The following TNKS variants were observed in gnomAD, a reference collection of about 807,000 sequenced individuals.
TNKS encodes the protein poly [ADP-ribose] polymerase tankyrase-1.
In TNKS, 72 loss-of-function variants were observed where a neutral mutation model predicts 135.8. The observed-to-expected ratio is 0.53, with a 90% CI of 0.44 to 0.64. The LOEUF (loss-of-function observed/expected upper bound fraction) is 0.64. Ranked by LOEUF, TNKS falls within the 30% of genes least tolerant of loss-of-function variation. The pLI, the probability that TNKS is intolerant of heterozygous loss-of-function variation, is 0.00. For missense variants in TNKS, 1,769 were observed against 1,674.0 expected (o/e 1.06, Z -0.99); for synonymous variants, 849 against 649.3 (o/e 1.31, Z -4.68).
intron 3 of TNKS, among the ~76,000 whole-genome samples, chr8:9,667,498 A>G (rs1358931479): frequency 6.6e-6 from 1 of 152,236 alleles, no homozygotes; most frequent in East Asian, 1.9e-4. Context: ...TCTGCATCTT[A>G]TAACCATATC....
At chr8:9,623,338 T>C (rs1799935137) in intron 3 of TNKS, among the ~76,000 whole-genome samples, 1 of 152,160 alleles carries the variant, frequency 6.6e-6, no homozygotes, top group South Asian at 2.1e-4. Context: ...AAGTTAGTTA[T>C]AGATACTAAC....
At chr8:9,665,467 A>G (rs988942560) in intron 3 of TNKS, among the ~76,000 whole-genome samples, 2 of 152,230 alleles carry the variant, frequency 1.3e-5, no homozygotes, top group Admixed American at 1.3e-4. Context: ...AGTTAGCAGG[A>G]AGAAATGCTG....
At chr8:9,571,520 C>T (rs548396176) in intron 1 of TNKS, among the ~76,000 whole-genome samples, 2 of 152,156 alleles carry the variant, frequency 1.3e-5, no homozygotes, top group South Asian at 4.1e-4. Flanking sequence ...TGCAGTGGTG[C>T]AATCTTGGCT....
intron 2 of TNKS, among the ~76,000 whole-genome samples, chr8:9,609,692 G>C (rs181996389): frequency 2.2e-4 from 33 of 152,080 alleles, no homozygotes; most frequent in Non-Finnish European, 1.5e-5. Context: ...TTGTGTTTTT[G>C]TTTTTGTTTT....
chr8:9,720,412 T>C lies in TNKS; in HGVS notation c.1788T>C (p.His596=). The C allele has an allele frequency of 6.2e-7, 1 of 1,613,880 alleles. No homozygotes were observed. Among genetic ancestry groups the C allele is most frequent in the Non-Finnish European group, 8.5e-7 (1 of 1,179,892 alleles). Residue 596 remains histidine (H), a synonymous_variant, in exon 12 of 27, where the codon CAT becomes CAC. Coordinates refer to ENST00000310430, the MANE Select transcript of TNKS (RefSeq NM_003747.3). ...ALDTLGQTAL[H]RAALAGHLQT... ...ACACCCTTGGTCAGACTGCTTTGCATAGAGCCGCCCTAGCAGGTCACCTGC... is the reference window on the plus strand; with the variant it reads ...ACACCCTTGGTCAGACTGCTTTGCACAGAGCCGCCCTAGCAGGTCACCTGC...
Position 9,556,558 on chromosome 8 carries a change from G to C in TNKS, c.619G>C (p.Val207Leu). 2 of 1,614,146 alleles carry C rather than the reference G, an allele frequency of 1.2e-6. No homozygotes were observed. The highest frequency in any genetic ancestry group is 1.7e-6 in the Non-Finnish European group (2 of 1,180,044). Residue 207 changes from valine (V) to leucine (L), a missense_variant, in exon 1 of 27, where the codon GTA becomes CTA. Around this residue, in one of 5 missense-constraint regions of TNKS, gnomAD observed 450 missense variants for 304.9 expected, o/e 1.48. Transcript: ENST00000310430. ...AAAGAGGCTGGTGGACGCGGCAAAC[G>C]TAAATGCAAAGGACATGGCCGGCCG... is the stretch of plus-strand genomic sequence containing the variant. ...RVKRLVDAAN[V>L]NAKDMAGRKS... is the part of the protein sequence containing the mutation.
At chr8:9,567,744 T>C (rs117941712) in intron 1 of TNKS, among the ~76,000 whole-genome samples, 66 of 152,338 alleles carry the variant, frequency 4.3e-4, no homozygotes, top group Non-Finnish European at 8.1e-4. Flanking sequence ...AAAGACTATA[T>C]AGAGTTGTTA....
At position 9,735,074 on chromosome 8, in the gene TNKS, G is replaced by A. The variant is rs763609358; in HGVS notation, c.2523G>A (p.Leu841=). 8 of 1,613,546 alleles carry A rather than the reference G, an allele frequency of 5.0e-6. No individual in the cohort carries two copies. In the South Asian group the frequency reaches 6.6e-5, roughly 13 times the overall value. ...RDTQGRNSTP[L]HLAAGYNNLE... ...CCCAGGGCAGAAATTCAACCCCTCT[G>A]CACCTGGCAGGTAAGCGCCCCCAGT... Residue 841 remains leucine (L), a synonymous_variant, in exon 16 of 27, where the codon CTG becomes CTA. Transcript: ENST00000310430.
chr8:9,701,874 A>G (rs1235220385), intron 5 of TNKS, among the ~76,000 whole-genome samples: 2 of 152,176 alleles, frequency 1.3e-5, no homozygotes, highest in Non-Finnish European at 2.9e-5. Context: ...GTGTTCAGAT[A>G]AGTACTGAGT....
intron 20 of TNKS, among the ~76,000 whole-genome samples, chr8:9,758,535 A>T (rs1054138718): frequency 6.6e-6 from 1 of 152,240 alleles, no homozygotes; most frequent in African/African-American, 2.4e-5. Flanking sequence ...TTAATGGCTT[A>T]AAATAACAAA....
In TNKS at chr8:9,568,828, T is replaced by C. The variant is rs187518369; in HGVS notation, c.674-11331T>C. 2.8e-3 allele frequency among the ~76,000 whole-genome samples: 430 copies of C among 152,310 alleles called. 2 individuals carry two copies. Among genetic ancestry groups the C allele is most frequent in the Middle Eastern group, 0.027 (8 of 294 alleles). ...TCTTTGATTCTGTACCCACAGTTGA[T>C]AAGTAATAGTTTCCTAAGGGTTAGT... On this transcript the variant is annotated intron_variant, in intron 1 of 26. Transcript: ENST00000310430.
At chr8:9,763,950 G>C (rs1807285026) in intron 22 of TNKS, among the ~76,000 whole-genome samples, 1 of 152,130 alleles carries the variant, frequency 6.6e-6, no homozygotes. Context: ...AACTTGCATA[G>C]GGAACTCAGG....
intron 1 of TNKS, among the ~76,000 whole-genome samples, chr8:9,571,045 AT>A (rs1365672308): frequency 1.3e-5 from 2 of 152,166 alleles, no homozygotes; most frequent in Non-Finnish European, 2.9e-5. Context: ...ATTCGGGGGC[AT>A]TTTGCTGCAT....
intron 3 of TNKS, among the ~76,000 whole-genome samples, chr8:9,630,198 C>T (rs1425480515): frequency 3.9e-5 from 6 of 152,096 alleles, no homozygotes; most frequent in Non-Finnish European, 8.8e-5. Context: ...CATAACAAGT[C>T]GATTTTTTTC....
At chr8:9,762,172 T>C (rs1323718796) in intron 21 of TNKS, among the ~76,000 whole-genome samples, 3 of 152,318 alleles carry the variant, frequency 2.0e-5, no homozygotes, top group African/African-American at 4.8e-5. Context: ...GTCAGCTTTG[T>C]CTTTTTCCAT....
chr8:9,576,289 A>C (rs1201243020), intron 1 of TNKS, among the ~76,000 whole-genome samples: 1 of 152,116 alleles, frequency 6.6e-6, no homozygotes, highest in Non-Finnish European at 1.5e-5. Flanking sequence ...GAACTACCTA[A>C]GACGGTAATT....
chr8:9,731,091 A>T (rs1805415612), intron 14 of TNKS, 56 bp downstream of exon 14: 3 of 1,460,838 alleles, frequency 2.1e-6, no homozygotes, highest in East Asian at 2.5e-5. Context: ...TAAAAAATTT[A>T]AAATATTTTT....
chr8:9,688,789 G>A (rs1442029512), intron 5 of TNKS, among the ~76,000 whole-genome samples: 2 of 152,058 alleles, frequency 1.3e-5, no homozygotes, highest in Admixed American at 6.6e-5. Context: ...ACAGGTGCCC[G>A]CCACCATACC....
At chr8:9,692,425 T>G (rs927232304) in intron 5 of TNKS, among the ~76,000 whole-genome samples, 5 of 151,936 alleles carry the variant, frequency 3.3e-5, no homozygotes, top group African/African-American at 1.2e-4. Context: ...GTCACCCATC[T>G]CCCCCATTAC....
Sources: gnomAD v4.1 joint callset for allele counts (sites outside exome capture counted in the v4.1 genomes callset) on GRCh38, gnomAD v4.1.1 for gene constraint, gnomAD v4.1.1 regional missense constraint, MANE v1.5 for transcripts, NCBI Gene and HGNC (gene_info 2026-07-23, HGNC 2026-07-21) for gene names.